Variants in UNC5D observed in about 807,000 individuals in gnomAD.
The protein encoded by UNC5D is unc-5 netrin receptor D.
A neutral mutation model predicts 105.4 loss-of-function variants in UNC5D; 39 were observed. The observed-to-expected ratio is 0.37, with a 90% confidence interval of 0.29 to 0.48. The LOEUF (loss-of-function observed/expected upper bound fraction) is 0.48, where lower values mean the gene tolerates loss of function less well. UNC5D is among the 20% of genes least tolerant of loss of function. The pLI, the probability that UNC5D is intolerant of heterozygous loss-of-function variation, is 0.98. For missense variants in UNC5D, 991 were observed against 1,202.4 expected (o/e 0.82, Z 2.60); for synonymous variants, 452 against 450.4 (o/e 1.00, Z -0.04).
intron 4 of UNC5D, among the ~76,000 whole-genome samples, chr8:35,632,328 T>C (rs1166938815): frequency 1.3e-5 from 2 of 152,232 alleles, no homozygotes; most frequent in Non-Finnish European, 2.9e-5. Context: ...ATACCCTGCA[T>C]AACCTGGAAC....
intron 14 of UNC5D, 97 bp from the exon 15 acceptor site, chr8:35,766,805 G>T (rs60430743): frequency 9.0e-5 from 120 of 1,336,040 alleles, no homozygotes; most frequent in African/African-American, 6.1e-4. Flanking sequence ...TGTTGTTGTC[G>T]TCATCATCAT....
chr8:35,551,197 A>C (rs1013565967), intron 2 of UNC5D, among the ~76,000 whole-genome samples: 2 of 152,196 alleles, frequency 1.3e-5, no homozygotes, highest in African/African-American at 4.8e-5. Context: ...AGGTGAGAGA[A>C]GGTAAGAACT....
chr8:35,296,175 C>A (rs1185370712), intron 1 of UNC5D, among the ~76,000 whole-genome samples: 2 of 152,176 alleles, frequency 1.3e-5, no homozygotes, highest in Non-Finnish European at 2.9e-5. Flanking sequence ...TTCAGATAAA[C>A]AGAACAGGAA....
intron 4 of UNC5D, among the ~76,000 whole-genome samples, chr8:35,627,276 C>T (rs1273682131): frequency 6.6e-6 from 1 of 152,174 alleles, no homozygotes; most frequent in Admixed American, 6.5e-5. Flanking sequence ...AGAGTTCCAA[C>T]TTCCGAACAA....
At chr8:35,730,016 T>A (rs1829100900) in intron 10 of UNC5D, among the ~76,000 whole-genome samples, 1 of 152,214 alleles carries the variant, frequency 6.6e-6, no homozygotes, top group Non-Finnish European at 1.5e-5. Flanking sequence ...TAAATTATCA[T>A]CAGCAACCTG....
chr8:35,728,320 A>G (rs919886437), intron 10 of UNC5D, among the ~76,000 whole-genome samples: 2 of 151,942 alleles, frequency 1.3e-5, no homozygotes, highest in African/African-American at 4.8e-5. Flanking sequence ...ATGTAGAGGG[A>G]GAGCCATGAC....
chr8:35,770,540 C>T (rs757156714), intron 15 of UNC5D, among the ~76,000 whole-genome samples: 11 of 152,040 alleles, frequency 7.2e-5, no homozygotes, highest in Non-Finnish European at 1.3e-4. Flanking sequence ...GAAAGTTGTT[C>T]CCCTTAAATT....
chr8:35,333,979 A>G (rs963063048), intron 1 of UNC5D, among the ~76,000 whole-genome samples: 4 of 152,210 alleles, frequency 2.6e-5, no homozygotes, highest in Non-Finnish European at 5.9e-5. Flanking sequence ...AACTATCAAC[A>G]TCAATAAAAA....
intron 7 of UNC5D, among the ~76,000 whole-genome samples, chr8:35,703,317 A>G (rs16884261): frequency 1.3e-5 from 2 of 152,150 alleles, no homozygotes; most frequent in South Asian, 4.1e-4. Flanking sequence ...TCCAGTTATC[A>G]TGCTTAATCA....
intron 1 of UNC5D, among the ~76,000 whole-genome samples, chr8:35,423,103 A>G (rs1174772289): frequency 6.6e-6 from 1 of 152,208 alleles, no homozygotes; most frequent in African/African-American, 2.4e-5. Context: ...AGCAGCTGCA[A>G]TGCAACTTAA....
intron 4 of UNC5D, among the ~76,000 whole-genome samples, chr8:35,671,108 T>TAA (rs767305716): frequency 2.3e-4 from 35 of 152,202 alleles, no homozygotes; most frequent in Admixed American, 7.2e-4. Context: ...CCACCTCCAC[T>TAA]AAGTCGGCCA....
chr8:35,656,184 G>A (rs1417749086), intron 4 of UNC5D, among the ~76,000 whole-genome samples: 1 of 152,074 alleles, frequency 6.6e-6, no homozygotes, highest in African/African-American at 2.4e-5. Flanking sequence ...ACAAACCACT[G>A]CTTACTTGGC....
At chr8:35,545,638 C>A (rs546430095) in intron 1 of UNC5D, among the ~76,000 whole-genome samples, 1 of 151,110 alleles carries the variant, frequency 6.6e-6, no homozygotes, top group African/African-American at 2.4e-5. Flanking sequence ...CCCAGCACTT[C>A]GCTATACAAA....
At chr8:35,650,715 G>A (rs1356480848) in intron 4 of UNC5D, among the ~76,000 whole-genome samples, 1 of 151,942 alleles carries the variant, frequency 6.6e-6, no homozygotes, top group African/African-American at 2.4e-5. Context: ...CAGGTGATCC[G>A]CCCACCTCGG....
At chr8:35,643,864 T>C (rs550967129) in intron 4 of UNC5D, among the ~76,000 whole-genome samples, 1 of 152,218 alleles carries the variant, frequency 6.6e-6, no homozygotes, top group South Asian at 2.1e-4. Context: ...AGAGGTATGA[T>C]TAAAAAATAA....
At chr8:35,630,533 G>A (rs1328291985) in intron 4 of UNC5D, among the ~76,000 whole-genome samples, 1 of 152,164 alleles carries the variant, frequency 6.6e-6, no homozygotes, top group African/African-American at 2.4e-5. Context: ...GTGATTTCAA[G>A]CCAAGAATAT....
chr8:35,676,799 G>A (rs899447894), intron 4 of UNC5D, among the ~76,000 whole-genome samples: 4 of 152,038 alleles, frequency 2.6e-5, no homozygotes, highest in Admixed American at 6.6e-5. Context: ...TCCAGTGTAG[G>A]GCATTGAGCT....
chr8:35,606,841 G>A lies in UNC5D; in HGVS notation c.570+11184G>A, dbSNP rs182788703. 4.6e-5 allele frequency among the ~76,000 whole-genome samples: 7 copies of A among 152,314 alleles called. No homozygotes were observed. In the East Asian group the frequency reaches 1.4e-3, roughly 29 times the overall value. ...AAGCATCTTTTGAGAGAATGCAGGG[G>A]ACTTATGAATTATAGGAACTCTGTG... On this transcript the variant is annotated intron_variant, in intron 4 of 16. Coordinates refer to ENST00000404895, the MANE Select transcript of UNC5D (RefSeq NM_080872.4).
chr8:35,243,690 A>AT (rs1208558794), intron 1 of UNC5D, among the ~76,000 whole-genome samples: 4 of 152,124 alleles, frequency 2.6e-5, no homozygotes, highest in African/African-American at 9.7e-5. Flanking sequence ...GTGAGTCCAT[A>AT]TGGGGTAGTG....
Sources: allele counts gnomAD v4.1 joint callset (sites outside exome capture counted in the v4.1 genomes callset), GRCh38; gene constraint gnomAD v4.1.1; transcripts MANE v1.5; gene names NCBI Gene and HGNC (gene_info 2026-07-23, HGNC 2026-07-21).